DIS3L2: variants seen among roughly 807,000 people sequenced by gnomAD.
DIS3L2 encodes DIS3-like exonuclease 2.
DIS3L2 carries 34 observed loss-of-function variants against 97.5 expected under a neutral mutation model. The observed-to-expected ratio is 0.35, with a 90% CI of 0.27 to 0.46. The LOEUF (loss-of-function observed/expected upper bound fraction) is 0.46, where lower values mean the gene tolerates loss of function less well. Ranked by LOEUF, DIS3L2 falls within the 20% of genes least tolerant of loss-of-function variation. The pLI is 1.00. For synonymous variants in DIS3L2, 435 were observed against 445.2 expected (o/e 0.98, Z 0.29); for missense variants, 1,038 against 1,146.0 (o/e 0.91, Z 1.36).
intron 1 of DIS3L2, among the ~76,000 whole-genome samples, chr2:231,968,754 T>C (rs1176411598): frequency 1.3e-5 from 2 of 152,250 alleles, no homozygotes; most frequent in African/African-American, 2.4e-5. Flanking sequence ...GATCATATAA[T>C]AGGTATATGC....
At chr2:232,329,785 T>TCCCCGGGC in intron 14 of DIS3L2, 28 bp from the exon 15 acceptor site, 5 of 967,142 alleles carry the variant, frequency 5.2e-6, no homozygotes, top group South Asian at 2.1e-5. Flanking sequence ...ACCCCAGCGG[T>TCCCCGGGC]CCCTCCCATC....
At chr2:232,339,706 G>A, downstream of DIS3L2, 1 of 456,386 alleles carries the variant, frequency 2.2e-6, no homozygotes, top group Non-Finnish European at 4.4e-6. Context: ...CAGGGCCGGG[G>A]TGGGAAGCAG....
intron 6 of DIS3L2, among the ~76,000 whole-genome samples, chr2:232,096,395 A>G (rs565886955): frequency 2.0e-5 from 3 of 152,040 alleles, no homozygotes; most frequent in Non-Finnish European, 4.4e-5. Flanking sequence ...GCCTTGGGGT[A>G]GTTTTCTTTT....
At chr2:232,266,709 T>A (rs1693865775) in intron 13 of DIS3L2, among the ~76,000 whole-genome samples, 1 of 152,224 alleles carries the variant, frequency 6.6e-6, no homozygotes, top group African/African-American at 2.4e-5. Context: ...AAATCCATTT[T>A]TCCTTGGTGC....
intron 7 of DIS3L2, chr2:232,131,140 T>G (rs1698206163): frequency 6.3e-6 from 1 of 157,592 alleles, no homozygotes; most frequent in African/African-American, 2.4e-5. Context: ...TAAAAATAAT[T>G]TTAATGTCTT....
chr2:232,053,407 G>C (rs1244260793), intron 5 of DIS3L2, among the ~76,000 whole-genome samples: 2 of 152,166 alleles, frequency 1.3e-5, no homozygotes, highest in Non-Finnish European at 2.9e-5. Flanking sequence ...TCAACTGCAT[G>C]GATTTTCCAC....
At chr2:232,125,151 A>G (rs1559653929) in intron 6 of DIS3L2, among the ~76,000 whole-genome samples, 1 of 152,164 alleles carries the variant, frequency 6.6e-6, no homozygotes, top group Non-Finnish European at 1.5e-5. Context: ...CAGCCTTTCC[A>G]TTCTCAACTC....
chr2:232,309,316 G>C (rs952463584), intron 14 of DIS3L2, among the ~76,000 whole-genome samples: 4 of 152,172 alleles, frequency 2.6e-5, no homozygotes, highest in African/African-American at 9.7e-5. Context: ...CAGATCTGCA[G>C]AGAAGCAGAT....
chr2:232,036,528 G>A (rs923552484), intron 5 of DIS3L2, among the ~76,000 whole-genome samples: 1 of 152,116 alleles, frequency 6.6e-6, no homozygotes, highest in Non-Finnish European at 1.5e-5. Context: ...CTGCCAGTTC[G>A]TCAAACTCAT....
intron 20 of DIS3L2, chr2:232,336,228 G>C: frequency 1.3e-6 from 2 of 1,539,750 alleles, no homozygotes; most frequent in South Asian, 1.2e-5. Context: ...CCCTGAACGC[G>C]GACCCAGGCC....
chr2:232,198,647 A>G (rs1218641913), intron 9 of DIS3L2: 1 of 152,240 alleles, frequency 6.6e-6, no homozygotes, highest in African/African-American at 2.4e-5. Context: ...GGAAAGCTGC[A>G]TTCTGAACAC....
chr2:232,176,043 C>A (rs1691141987), intron 9 of DIS3L2, among the ~76,000 whole-genome samples: 1 of 152,134 alleles, frequency 6.6e-6, no homozygotes, highest in African/African-American at 2.4e-5. Flanking sequence ...GTGCCCACCA[C>A]CACATCTGGC....
chr2:232,223,057 C>T (rs2106234891), intron 10 of DIS3L2, among the ~76,000 whole-genome samples: 1 of 152,328 alleles, frequency 6.6e-6, no homozygotes, highest in Admixed American at 6.5e-5. Flanking sequence ...ATGGATGTCT[C>T]AGTGCACCTT....
intron 1 of DIS3L2, among the ~76,000 whole-genome samples, chr2:231,999,346 C>G (rs1693815476): frequency 1.3e-5 from 2 of 152,230 alleles, no homozygotes; most frequent in South Asian, 4.1e-4. Context: ...CTCATTGCTA[C>G]TGGAATGTCA....
chr2:232,066,841 C>G (rs905782257), intron 5 of DIS3L2, among the ~76,000 whole-genome samples: 14 of 151,680 alleles, frequency 9.2e-5, no homozygotes, highest in Non-Finnish European at 1.8e-4. Context: ...TTTTCTGTTT[C>G]TTCTTGTATC....
intron 10 of DIS3L2, among the ~76,000 whole-genome samples, chr2:232,214,291 C>T (rs1308003329): frequency 6.6e-6 from 1 of 152,126 alleles, no homozygotes; most frequent in Non-Finnish European, 1.5e-5. Flanking sequence ...ATGGAATGTC[C>T]AGACTGCATT....
At chr2:232,187,545 C>T (rs879502918) in intron 9 of DIS3L2, among the ~76,000 whole-genome samples, 52 of 152,094 alleles carry the variant, frequency 3.4e-4, no homozygotes, top group Non-Finnish European at 4.7e-4. Context: ...CAGGTTCAAG[C>T]GATTCTCCTG....
intron 14 of DIS3L2, among the ~76,000 whole-genome samples, chr2:232,309,059 G>A (rs1047439171): frequency 1.2e-4 from 19 of 152,202 alleles, no homozygotes; most frequent in Admixed American, 1.2e-3. Context: ...ACCAGCCCTT[G>A]TAGACAGTAT....
At chr2:231,985,428 C>G (rs900150332) in intron 1 of DIS3L2, among the ~76,000 whole-genome samples, 1 of 152,186 alleles carries the variant, frequency 6.6e-6, no homozygotes, top group Non-Finnish European at 1.5e-5. Context: ...TTCTTCATTG[C>G]TGAGTAGTAT....
Sources: gnomAD v4.1 joint callset for allele counts (sites outside exome capture counted in the v4.1 genomes callset) on GRCh38, gnomAD v4.1.1 for gene constraint, MANE v1.5 for transcripts, NCBI Gene and HGNC (gene_info 2026-07-23, HGNC 2026-07-21) for gene names.